ARHGEF3: variants seen among roughly 807,000 people sequenced by gnomAD.
The protein encoded by ARHGEF3 is Rho guanine nucleotide exchange factor 3.
In ARHGEF3, 28 loss-of-function variants were observed where a neutral mutation model predicts 63.2. That is an observed-to-expected ratio of 0.44 (90% CI 0.33 to 0.61). The LOEUF (loss-of-function observed/expected upper bound fraction) is 0.61, where lower values mean the gene tolerates loss of function less well. Among genes scored for constraint, ARHGEF3 ranks in the 20% least tolerant of loss-of-function variants. ARHGEF3 has a pLI of 0.03. For missense variants in ARHGEF3, 533 were observed against 659.3 expected, an observed-to-expected ratio of 0.81 and a Z score of 2.10; for synonymous variants, 266 against 254.2, an observed-to-expected ratio of 1.05 and a Z score of -0.44.
At chr3:56,852,703 TA>T (rs36001263) in intron 4 of ARHGEF3, among the ~76,000 whole-genome samples, 148,777 of 152,108 alleles carry the variant, frequency 0.98, 72,845 homozygotes, top group East Asian at 1. Flanking sequence ...TCACATGCTG[TA>T]AAAAAACCCA....
chr3:56,896,148 T>C (rs1434041710), intron 3 of ARHGEF3, among the ~76,000 whole-genome samples: 1 of 152,168 alleles, frequency 6.6e-6, no homozygotes, highest in Non-Finnish European at 1.5e-5. Context: ...TGAGAATTTA[T>C]TTTATTTTTG....
intron 4 of ARHGEF3, among the ~76,000 whole-genome samples, chr3:56,866,322 A>C (rs569970011): frequency 6.6e-6 from 1 of 152,232 alleles, no homozygotes; most frequent in Non-Finnish European, 1.5e-5. Context: ...TTCAACCAAA[A>C]CCTTATTTAC....
chr3:56,959,364 G>A (rs868244747), intron 2 of ARHGEF3, among the ~76,000 whole-genome samples: 6 of 152,068 alleles, frequency 3.9e-5, no homozygotes, highest in African/African-American at 1.4e-4. Flanking sequence ...TAGCCCCCGC[G>A]TAACAAGCTG....
intron 2 of ARHGEF3, among the ~76,000 whole-genome samples, chr3:57,014,086 C>G (rs1169626603): frequency 6.6e-6 from 1 of 152,124 alleles, no homozygotes; most frequent in Non-Finnish European, 1.5e-5. Flanking sequence ...GACCACGAAC[C>G]CGCCAGGAGG....
chr3:56,909,438 G>T (rs1222228271), intron 3 of ARHGEF3, among the ~76,000 whole-genome samples: 1 of 152,224 alleles, frequency 6.6e-6, no homozygotes, highest in Non-Finnish European at 1.5e-5. Flanking sequence ...CAGCATCAGG[G>T]ATGGTTTCAC....
At chr3:56,757,735 T>G (rs1282891214) in intron 2 of ARHGEF3, among the ~76,000 whole-genome samples, 1 of 151,572 alleles carries the variant, frequency 6.6e-6, no homozygotes, top group Non-Finnish European at 1.5e-5. Flanking sequence ...CTTTTTTTTT[T>G]GTTTTGAGAT....
At position 56,826,166 on chromosome 3, in the gene ARHGEF3, G is replaced by A. The variant is rs532372972; in HGVS notation, c.193-52350C>T. On this transcript the variant is annotated intron_variant, in intron 4 of 12. Coordinates refer to the ARHGEF3 transcript ENST00000338458. ...AACAAGGAAAAATGAAAGCTGAGAA[G>A]TGAGGAGAAAAAGAGATTCCTAAGC... Among the ~76,000 whole-genome samples, 83 of 152,316 alleles carry A rather than the reference G, an allele frequency of 5.4e-4. No individual in the cohort carries two copies. The South Asian group carries it at 0.014, about 26-fold the overall frequency.
chr3:56,896,299 T>C (rs1422987737), intron 3 of ARHGEF3, among the ~76,000 whole-genome samples: 1 of 152,214 alleles, frequency 6.6e-6, no homozygotes, highest in African/African-American at 2.4e-5. Context: ...TCTATACGTA[T>C]GAATATAAAA....
At chr3:56,756,872 C>T (rs1273208896) in intron 2 of ARHGEF3, among the ~76,000 whole-genome samples, 2 of 152,090 alleles carry the variant, frequency 1.3e-5, no homozygotes, top group African/African-American at 4.8e-5. Flanking sequence ...TCTTAACTGC[C>T]CTCGGGATGT....
intron 2 of ARHGEF3, among the ~76,000 whole-genome samples, chr3:57,015,810 T>C (rs1579095623): frequency 1.3e-5 from 2 of 152,112 alleles, no homozygotes; most frequent in South Asian, 2.1e-4. Flanking sequence ...TGGATCTACC[T>C]GTATCTAAAG....
In ARHGEF3 at chr3:57,073,519, G is replaced by A. The variant is rs1706049044; in HGVS notation, c.-28+5707C>T. The A allele has an allele frequency of 1.1e-5, 11 of 999,248 alleles. No homozygotes were observed. In the South Asian group the frequency reaches 1.3e-4, roughly 12 times the overall value. The allele number at this position is 999,248 out of a possible 1,614,324, so 61.9% of individuals were successfully genotyped here. On this transcript the variant is annotated intron_variant, in intron 1 of 12. Transcript: ENST00000338458. ...CCTCTGCAGTATCTGGGTGACTGTG[G>A]GGTTTGGCTCTGTTTGAGCACCCCG...
intron 1 of ARHGEF3, among the ~76,000 whole-genome samples, chr3:57,049,454 A>G (rs1394642123): frequency 6.6e-6 from 1 of 152,202 alleles, no homozygotes; most frequent in Non-Finnish European, 1.5e-5. Flanking sequence ...GGAGCAGTCC[A>G]GCCTGCTGGG....
chr3:57,039,156 C>G (rs898349960), intron 1 of ARHGEF3, among the ~76,000 whole-genome samples: 5 of 152,178 alleles, frequency 3.3e-5, no homozygotes, highest in African/African-American at 1.2e-4. Context: ...CTGGCACCAC[C>G]ACTCCCTCGT....
At chr3:57,042,057 C>T (rs1704208484) in intron 1 of ARHGEF3, among the ~76,000 whole-genome samples, 3 of 152,208 alleles carry the variant, frequency 2.0e-5, no homozygotes, top group African/African-American at 7.2e-5. Flanking sequence ...AGTGTGGACA[C>T]AGCAGCGCAC....
intron 1 of ARHGEF3, among the ~76,000 whole-genome samples, chr3:57,065,252 A>G (rs1237090744): frequency 6.6e-6 from 1 of 152,212 alleles, no homozygotes; most frequent in Non-Finnish European, 1.5e-5. Context: ...ACTTGAGGTC[A>G]GGAGTTCGAC....
intron 2 of ARHGEF3, among the ~76,000 whole-genome samples, chr3:56,980,440 C>T (rs561599776): frequency 1.2e-4 from 18 of 152,304 alleles, no homozygotes; most frequent in Admixed American, 7.8e-4. Flanking sequence ...CTCCTGGATA[C>T]GTGTCACTCT....
intron 9 of ARHGEF3, 90 bp downstream of exon 9, chr3:56,732,148 G>T: frequency 6.8e-7 from 1 of 1,476,190 alleles, no homozygotes; most frequent in Non-Finnish European, 9.3e-7. Context: ...CTTCAAGACC[G>T]TGGCTTTTCT....
intron 4 of ARHGEF3, among the ~76,000 whole-genome samples, chr3:56,807,565 G>A (rs1299298324): frequency 6.6e-6 from 1 of 151,970 alleles, no homozygotes; most frequent in Non-Finnish European, 1.5e-5. Flanking sequence ...CATGAGTGTT[G>A]CAACACCTTT....
At chr3:57,050,177 C>T (rs980732475) in intron 1 of ARHGEF3, among the ~76,000 whole-genome samples, 2 of 152,214 alleles carry the variant, frequency 1.3e-5, no homozygotes, top group Non-Finnish European at 2.9e-5. Context: ...CTAACACGTT[C>T]TCCATTACCA....
Sources: allele counts gnomAD v4.1 joint callset (sites outside exome capture counted in the v4.1 genomes callset), GRCh38; gene constraint gnomAD v4.1.1; transcripts MANE v1.5; gene names NCBI Gene and HGNC (gene_info 2026-07-23, HGNC 2026-07-21).